The following PACRG variants were observed in gnomAD, a reference collection of about 807,000 sequenced individuals.
PACRG encodes parkin coregulated.
PACRG carries 29 observed loss-of-function variants against 29.7 expected under a neutral mutation model. The ratio of observed to expected loss-of-function variants is 0.98; its 90% confidence interval spans 0.73 to 1.33. The LOEUF is 1.33. Ranked by LOEUF, PACRG falls within the 40% of genes most tolerant of loss-of-function variation. The pLI is 0.00. For synonymous variants in PACRG, 116 were observed against 118.7 expected, an observed-to-expected ratio of 0.98 and a Z score of 0.15; for missense variants, 279 against 316.2, an observed-to-expected ratio of 0.88 and a Z score of 0.89.
chr6:163,290,262 A>C, intron 4 of PACRG, among the ~76,000 whole-genome samples: 3 of 137,664 alleles, frequency 2.2e-5, no homozygotes, highest in Admixed American at 7.4e-5. Flanking sequence ...ACATGTGCGC[A>C]TGCACGCGCG....
chr6:162,870,948 G>A (rs887888015), intron 2 of PACRG, among the ~76,000 whole-genome samples: 2 of 152,066 alleles, frequency 1.3e-5, no homozygotes, highest in East Asian at 3.9e-4. Context: ...CATTTTCAAT[G>A]CTGGAATATG....
chr6:163,152,097 C>A (rs1778116546), intron 4 of PACRG, among the ~76,000 whole-genome samples: 3 of 152,266 alleles, frequency 2.0e-5, no homozygotes, highest in East Asian at 3.9e-4. Context: ...AGAATGCTTC[C>A]AGCTCAATTC....
chr6:163,126,091 G>A (rs1332333490), intron 4 of PACRG, among the ~76,000 whole-genome samples: 1 of 152,186 alleles, frequency 6.6e-6, no homozygotes, highest in Non-Finnish European at 1.5e-5. Context: ...GTATATCCTA[G>A]TAACAGCATA....
At chr6:162,977,406 TA>T (rs369658680) in intron 2 of PACRG, among the ~76,000 whole-genome samples, 9,988 of 148,352 alleles carry the variant, frequency 0.067, 877 homozygotes, top group African/African-American at 0.2. Flanking sequence ...AATTTCAAAT[TA>T]AAAAAAAAAA....
intron 2 of PACRG, among the ~76,000 whole-genome samples, chr6:163,031,681 C>A (rs954692418): frequency 1.3e-5 from 2 of 152,196 alleles, no homozygotes; most frequent in Non-Finnish European, 2.9e-5. Flanking sequence ...TGATGGAACT[C>A]TATTCCATAG....
intron 1 of PACRG, among the ~76,000 whole-genome samples, chr6:162,797,674 T>A (rs543603195): frequency 6.6e-6 from 1 of 152,334 alleles, no homozygotes; most frequent in East Asian, 1.9e-4. Flanking sequence ...GTTTTGAATT[T>A]TTTTGGGGGG....
intron 2 of PACRG, among the ~76,000 whole-genome samples, chr6:163,026,016 G>C (rs1807097281): frequency 6.6e-6 from 1 of 152,176 alleles, no homozygotes; most frequent in African/African-American, 2.4e-5. Context: ...ACCAAAAAAA[G>C]AGCCCGAATA....
intron 2 of PACRG, chr6:162,997,350 C>A: frequency 2.3e-6 from 1 of 437,662 alleles, no homozygotes; most frequent in East Asian, 7.2e-5. Flanking sequence ...GGTTTATTTG[C>A]TTATATTAGT....
intron 1 of PACRG, among the ~76,000 whole-genome samples, chr6:162,757,132 G>C (rs954056033): frequency 6.6e-6 from 1 of 151,844 alleles, no homozygotes; most frequent in African/African-American, 2.4e-5. Flanking sequence ...TTCTTAATAT[G>C]ATCAATGCAA....
At chr6:163,311,846 TCTG>T (rs1785430364) in intron 4 of PACRG, among the ~76,000 whole-genome samples, 1 of 152,218 alleles carries the variant, frequency 6.6e-6, no homozygotes, top group Admixed American at 6.5e-5. Flanking sequence ...GAGATAAAGT[TCTG>T]CTTGTCATTG....
At chr6:163,245,843 A>C (rs953018155) in intron 4 of PACRG, among the ~76,000 whole-genome samples, 1 of 152,138 alleles carries the variant, frequency 6.6e-6, no homozygotes, top group African/African-American at 2.4e-5. Flanking sequence ...ACCTAACTAC[A>C]TGGGACCACT....
chr6:162,767,856 T>C (rs1285820571), intron 1 of PACRG, among the ~76,000 whole-genome samples: 2 of 152,060 alleles, frequency 1.3e-5, no homozygotes, highest in Non-Finnish European at 2.9e-5. Context: ...ATATTTTCCT[T>C]AATAAAATCT....
At chr6:163,269,804 G>GGAAGGAAGGAAGGAAA (rs1783673350) in intron 4 of PACRG, among the ~76,000 whole-genome samples, 1 of 104,558 alleles carries the variant, frequency 9.6e-6, no homozygotes, top group Admixed American at 1.0e-4. Flanking sequence ...AAGGAAGGAA[G>GGAAGGAAGGAAGGAAA]GAAGGAAGGA....
At chr6:162,927,796 TA>T (rs550790717) in intron 2 of PACRG, among the ~76,000 whole-genome samples, 2 of 150,252 alleles carry the variant, frequency 1.3e-5, no homozygotes, top group African/African-American at 2.5e-5. Flanking sequence ...AACTTAAAAT[TA>T]AAAAAAGCAA....
At chr6:162,886,198 C>T (rs539629937) in intron 2 of PACRG, among the ~76,000 whole-genome samples, 2 of 152,284 alleles carry the variant, frequency 1.3e-5, no homozygotes, top group Non-Finnish European at 2.9e-5. Context: ...GCTGTGATTA[C>T]AGGCATGAGC....
chr6:162,902,791 C>A (rs1422157540), intron 2 of PACRG, among the ~76,000 whole-genome samples: 1 of 152,130 alleles, frequency 6.6e-6, no homozygotes, highest in Non-Finnish European at 1.5e-5. Flanking sequence ...AAATTATTTT[C>A]TTCTGAATCT....
chr6:162,801,548 A>C (rs1785876543), intron 1 of PACRG, among the ~76,000 whole-genome samples: 1 of 152,220 alleles, frequency 6.6e-6, no homozygotes, highest in African/African-American at 2.4e-5. Flanking sequence ...AATTTATTAT[A>C]ATATGCACAT....
chr6:162,903,442 C>A (rs555831143), intron 2 of PACRG, among the ~76,000 whole-genome samples: 1 of 152,288 alleles, frequency 6.6e-6, no homozygotes, highest in South Asian at 2.1e-4. Context: ...TTAATGGACT[C>A]ACAGTTCCAT....
intron 2 of PACRG, among the ~76,000 whole-genome samples, chr6:163,061,122 G>T (rs1475465022): frequency 6.6e-6 from 1 of 152,088 alleles, no homozygotes; most frequent in Non-Finnish European, 1.5e-5. Context: ...TAGAAGCTGG[G>T]TGCATTCATA....
Sources: allele counts gnomAD v4.1 joint callset (sites outside exome capture counted in the v4.1 genomes callset), GRCh38; gene constraint gnomAD v4.1.1; transcripts MANE v1.5; gene names NCBI Gene and HGNC (gene_info 2026-07-23, HGNC 2026-07-21).